Variants in STIM2 observed in about 807,000 individuals in gnomAD.
STIM2 encodes stromal interaction molecule 2.
A neutral mutation model predicts 85.8 loss-of-function variants in STIM2; 31 were observed. The ratio of observed to expected loss-of-function variants is 0.36; its 90% CI spans 0.27 to 0.49. The LOEUF is 0.49. Among genes scored for constraint, STIM2 ranks in the 20% least tolerant of loss-of-function variants. STIM2 has a pLI of 0.98. For synonymous variants in STIM2, 356 were observed against 331.1 expected, an observed-to-expected ratio of 1.08 and a Z score of -0.82; for missense variants, 841 against 927.6, an observed-to-expected ratio of 0.91 and a Z score of 1.21.
chr4:26,991,069 A>T (rs1055703219), intron 3 of STIM2, among the ~76,000 whole-genome samples: 1 of 152,102 alleles, frequency 6.6e-6, no homozygotes, highest in African/African-American at 2.4e-5. Context: ...GATTCAGCAG[A>T]TTCACTGCTG....
At chr4:26,864,920 G>A (rs1722344489) in intron 1 of STIM2, among the ~76,000 whole-genome samples, 1 of 152,148 alleles carries the variant, frequency 6.6e-6, no homozygotes, top group African/African-American at 2.4e-5. Flanking sequence ...AATGAAATCA[G>A]TTGTATTCCT....
rs2109152652 is a variant in STIM2, at chr4:27,025,080, T to C, written c.*2084T>C. On this transcript the variant is annotated 3_prime_UTR_variant, in exon 12 of 12. Coordinates refer to ENST00000467087, the MANE Select transcript of STIM2 (RefSeq NM_020860.4). Reference sequence around the variant, plus strand: ...CAAAGAGACTGTGGGCTGTTTTCAGTCAGGGAGCATGTGCATTGTTTGTGC... The same window carrying C: ...CAAAGAGACTGTGGGCTGTTTTCAGCCAGGGAGCATGTGCATTGTTTGTGC... The C allele has an allele frequency of 6.6e-6, 1 of 152,300 alleles. No homozygotes were observed. Among genetic ancestry groups the C allele is most frequent in the African/African-American group, 2.4e-5 (1 of 41,548 alleles). The allele number at this position is 152,300 out of a possible 1,614,324, so 9.4% of individuals were successfully genotyped here.
rs74671560 is a variant in STIM2, at chr4:26,933,054, G to A, written c.282+13420G>A. On this transcript the variant is annotated intron_variant, in intron 2 of 11. Transcript: ENST00000467087. ...ATATCAAGAAAGTAAGGCAACAGTG[G>A]AAAACATAAAAGAGCTTGTGGGAGA... 5.4e-3 allele frequency among the ~76,000 whole-genome samples: 819 copies of A among 152,220 alleles called. 6 individuals are homozygous for A. The highest frequency in any genetic ancestry group is 0.019 in the African/African-American group (779 of 41,532).
chr4:26,910,540 AAAAC>A (rs950897945), intron 1 of STIM2, among the ~76,000 whole-genome samples: 70 of 152,146 alleles, frequency 4.6e-4, no homozygotes, highest in African/African-American at 1.6e-3. Flanking sequence ...AAAAAAACAA[AAAAC>A]AAACAAAAAG....
At chr4:26,942,831 T>C (rs138001774) in intron 2 of STIM2, among the ~76,000 whole-genome samples, 77 of 152,256 alleles carry the variant, frequency 5.1e-4, no homozygotes, top group Non-Finnish European at 1.0e-3. Context: ...ACTGACCCTC[T>C]TGGTTATCTT....
intron 1 of STIM2, among the ~76,000 whole-genome samples, chr4:26,874,545 A>G (rs568349277): frequency 4.6e-5 from 7 of 152,320 alleles, no homozygotes; most frequent in African/African-American, 1.7e-4. Context: ...TTGTTAATAT[A>G]TTACTCATTT....
At chr4:26,890,722 G>A (rs1362016329) in intron 1 of STIM2, among the ~76,000 whole-genome samples, 3 of 151,074 alleles carry the variant, frequency 2.0e-5, no homozygotes, top group African/African-American at 7.3e-5. Flanking sequence ...TACTTGGGAG[G>A]CTGAGGCAGG....
At position 26,910,141 on chromosome 4, in the gene STIM2, A is replaced by C. The variant is rs183587496; in HGVS notation, c.152-9363A>C. On this transcript the variant is annotated intron_variant, in intron 1 of 11. Coordinates refer to ENST00000467087, the MANE Select transcript of STIM2 (RefSeq NM_020860.4). Reference sequence around the variant, plus strand: ...TTTCTTTTTCTGCACCTAGTCAACTATTTTCTAAGATAATGATAGATGCTA... The same window carrying C: ...TTTCTTTTTCTGCACCTAGTCAACTCTTTTCTAAGATAATGATAGATGCTA... 3.9e-5 allele frequency among the ~76,000 whole-genome samples: 6 copies of C among 152,270 alleles called. No individual in the cohort carries two copies. In the East Asian group the frequency reaches 9.6e-4, roughly 24 times the overall value.
intron 1 of STIM2, among the ~76,000 whole-genome samples, chr4:26,893,203 A>G (rs537825251): frequency 6.6e-6 from 1 of 152,282 alleles, no homozygotes; most frequent in Admixed American, 6.5e-5. Context: ...GAACCATTAA[A>G]CCACCTTCAG....
chr4:26,970,247 GTATGTATTTTTTTAT>G (rs1726895983), intron 3 of STIM2, among the ~76,000 whole-genome samples: 1 of 24,354 alleles, frequency 4.1e-5, no homozygotes, highest in African/African-American at 8.3e-5. Flanking sequence ...ATATATATAT[GTATGTATTTTTTTAT>G]TATACTTTAA....
At chr4:26,957,132 A>T (rs1289309701) in intron 2 of STIM2, among the ~76,000 whole-genome samples, 1 of 152,162 alleles carries the variant, frequency 6.6e-6, no homozygotes, top group African/African-American at 2.4e-5. Context: ...CCTCCCATAT[A>T]AATTGTTTCT....
chr4:26,900,807 A>G (rs1318144463), intron 1 of STIM2, among the ~76,000 whole-genome samples: 1 of 152,184 alleles, frequency 6.6e-6, no homozygotes, highest in Non-Finnish European at 1.5e-5. Flanking sequence ...TGAAGGCTCA[A>G]TATATTGCAC....
At chr4:27,012,780 T>C (rs1256595037) in intron 10 of STIM2, among the ~76,000 whole-genome samples, 2 of 152,088 alleles carry the variant, frequency 1.3e-5, no homozygotes, top group African/African-American at 2.4e-5. Flanking sequence ...GGAAGTATTT[T>C]TTTTAATGTT....
Position 27,025,339 on chromosome 4 carries a change from T to A in STIM2, c.*2343T>A, listed in dbSNP as rs2109152906. The A allele has an allele frequency of 6.6e-6, 1 of 151,180 alleles. No homozygotes were observed. The highest frequency in any genetic ancestry group is 2.1e-4 in the South Asian group (1 of 4,794). 9.4% of individuals were successfully genotyped at this position (151,180 alleles called of 1,614,324 possible). A position where few individuals can be genotyped will look rare whatever the true frequency, so the allele number is the denominator to read the frequency against. On this transcript the variant is annotated 3_prime_UTR_variant, in exon 12 of 12. Coordinates refer to ENST00000467087, the MANE Select transcript of STIM2 (RefSeq NM_020860.4). ...ATTTGTTACTTTAACATTTTAAAAT[T>A]ATGGTGTTTTCCTGATTTTAAAAGC...
At chr4:27,012,553 G>A (rs930015876) in intron 10 of STIM2, among the ~76,000 whole-genome samples, 60 of 151,962 alleles carry the variant, frequency 3.9e-4, no homozygotes, top group Non-Finnish European at 1.6e-4. Flanking sequence ...AGGAAATGCC[G>A]TTGGATTTGG....
At chr4:26,885,861 A>ATATATATATATATG (rs1219744676) in intron 1 of STIM2, among the ~76,000 whole-genome samples, 17 of 77,718 alleles carry the variant, frequency 2.2e-4, no homozygotes, top group African/African-American at 9.5e-4. Context: ...ATATATATAT[A>ATATATATATATATG]TATATATATA....
At chr4:26,946,202 A>G (rs981803390) in intron 2 of STIM2, among the ~76,000 whole-genome samples, 1 of 152,234 alleles carries the variant, frequency 6.6e-6, no homozygotes, top group Non-Finnish European at 1.5e-5. Flanking sequence ...AGTTATTTCA[A>G]TAAGTAATGC....
At chr4:26,877,845 T>C (rs1179346268) in intron 1 of STIM2, among the ~76,000 whole-genome samples, 3 of 152,138 alleles carry the variant, frequency 2.0e-5, no homozygotes, top group Non-Finnish European at 4.4e-5. Context: ...AATGGGACCA[T>C]TAAGAGGTGC....
At chr4:26,917,839 C>G (rs144488435) in intron 1 of STIM2, among the ~76,000 whole-genome samples, 6 of 152,248 alleles carry the variant, frequency 3.9e-5, no homozygotes, top group African/African-American at 1.4e-4. Flanking sequence ...ATATACAGAT[C>G]TTTACACTAT....
Sources: gnomAD v4.1 joint callset for allele counts (sites outside exome capture counted in the v4.1 genomes callset) on GRCh38, gnomAD v4.1.1 for gene constraint, MANE v1.5 for transcripts, NCBI Gene and HGNC (gene_info 2026-07-23, HGNC 2026-07-21) for gene names.